The following CDH23 variants were observed in gnomAD, a reference collection of about 807,000 sequenced individuals.
CDH23 encodes the protein cadherin-23.
In CDH23, 189 loss-of-function variants were observed where a neutral mutation model predicts 317.1. The observed-to-expected ratio is 0.60, with a 90% CI of 0.53 to 0.67. The LOEUF is 0.67. Among genes scored for constraint, CDH23 ranks in the 30% least tolerant of loss-of-function variants. The pLI, the probability that CDH23 is intolerant of heterozygous loss-of-function variation, is 0.00. For missense variants in CDH23, 4,401 were observed against 4,592.4 expected (o/e 0.96, Z 1.20); for synonymous variants, 1,839 against 1,876.8 (o/e 0.98, Z 0.52).
At chr10:71,519,312 T>G (rs1854523990) in intron 6 of CDH23, among the ~76,000 whole-genome samples, 1 of 152,240 alleles carries the variant, frequency 6.6e-6, no homozygotes, top group Non-Finnish European at 1.5e-5. Context: ...AGTGTTGGGC[T>G]GTCAGCCTCG....
intron 9 of CDH23, among the ~76,000 whole-genome samples, chr10:71,584,542 C>G (rs147695897): frequency 2.1e-5 from 3 of 145,764 alleles, no homozygotes; most frequent in African/African-American, 2.5e-5. Flanking sequence ...GAAGGGAAGT[C>G]TGTGTGTGTG....
Position 71,615,593 on chromosome 10 carries a change from C to T in CDH23, c.922C>T (p.His308Tyr). The change falls in exon 10 of 70, where the codon CAT becomes TAT. Residue 308 changes from histidine (H) to tyrosine (Y), a missense_variant. Physicochemically the swap from His to Tyr is moderately conservative, Grantham distance 83 (BLOSUM62 2). Around this residue, in one of 3 missense-constraint regions of CDH23, gnomAD observed 3,068 missense variants for 3,203.3 expected, o/e 0.96. Coordinates refer to ENST00000224721, the MANE Select transcript of CDH23 (RefSeq NM_022124.6). ...GGACCGGGAGAACCCCCTGTACAGC[C>T]ATGGCTTCATCCTGACTGTGAAGGT... Reference protein sequence around the residue: ...LLDRENPLYSHGFILTVKGTE... With the variant: ...LLDRENPLYSYGFILTVKGTE... 6.2e-7 allele frequency: 1 copy of T among 1,613,864 alleles called. No individual in the cohort carries two copies. Among genetic ancestry groups the T allele is most frequent in the Non-Finnish European group, 8.5e-7 (1 of 1,179,758 alleles).
intron 9 of CDH23, among the ~76,000 whole-genome samples, chr10:71,582,256 C>T (rs1858691432): frequency 6.6e-6 from 1 of 152,200 alleles, no homozygotes; most frequent in Non-Finnish European, 1.5e-5. Context: ...TGCATTTGCC[C>T]ACAAGCCCAT....
At chr10:71,644,612 C>T (rs1360457689) in intron 12 of CDH23, among the ~76,000 whole-genome samples, 1 of 152,192 alleles carries the variant, frequency 6.6e-6, no homozygotes, top group Non-Finnish European at 1.5e-5. Context: ...AGGGTGACCT[C>T]GCAGCCACCC....
intron 3 of CDH23, among the ~76,000 whole-genome samples, chr10:71,487,033 C>A (rs1852387705): frequency 6.6e-6 from 1 of 152,142 alleles, no homozygotes; most frequent in African/African-American, 2.4e-5. Flanking sequence ...GTACCCCTTC[C>A]CCTGTTGGCC....
chr10:71,605,716 G>A lies in CDH23; in HGVS notation c.833-9788G>A, dbSNP rs765330906. 2.1e-4 allele frequency among the ~76,000 whole-genome samples: 32 copies of A among 152,050 alleles called. 1 individual carries two copies. The highest frequency in any genetic ancestry group is 3.3e-4 in the Admixed American group (5 of 15,284). On this transcript the variant is annotated intron_variant, in intron 9 of 69. Transcript: ENST00000224721. ...AAGTTACAAGCATCTCTTCTGCAACGTTTTAGTGGCTTGCTGCATTTCATA... is the reference window on the plus strand; with the variant it reads ...AAGTTACAAGCATCTCTTCTGCAACATTTTAGTGGCTTGCTGCATTTCATA...
At chr10:71,739,338 C>T (rs574895299) in intron 35 of CDH23, among the ~76,000 whole-genome samples, 3 of 152,248 alleles carry the variant, frequency 2.0e-5, no homozygotes, top group Admixed American at 1.3e-4. Flanking sequence ...ACCCCAGCAG[C>T]GTGAGCACAA....
chr10:71,537,964 G>A (rs1855791980), intron 6 of CDH23, among the ~76,000 whole-genome samples: 1 of 152,322 alleles, frequency 6.6e-6, no homozygotes, highest in African/African-American at 2.4e-5. Context: ...CACTCCCTCA[G>A]TAGGGAGCCC....
chr10:71,530,655 G>A (rs938395715), intron 6 of CDH23, among the ~76,000 whole-genome samples: 54 of 152,170 alleles, frequency 3.5e-4, no homozygotes, highest in African/African-American at 1.2e-3. Context: ...CATCTCACAT[G>A]TCCCCAACCA....
At chr10:71,646,216 G>A (rs937702926) in intron 13 of CDH23, among the ~76,000 whole-genome samples, 8 of 152,060 alleles carry the variant, frequency 5.3e-5, no homozygotes, top group African/African-American at 1.7e-4. Context: ...CTCCCATCAG[G>A]AGCCTCTGCA....
chr10:71,510,808 C>A, intron 4 of CDH23, 146 bp from the exon 5 acceptor site: 1 of 718,498 alleles, frequency 1.4e-6, no homozygotes, highest in Non-Finnish European at 2.5e-6. Flanking sequence ...AAGGGCAATG[C>A]TGGTATTTTA....
chr10:71,572,160 C>T (rs1239252003), intron 8 of CDH23, among the ~76,000 whole-genome samples: 1 of 152,212 alleles, frequency 6.6e-6, no homozygotes, highest in Non-Finnish European at 1.5e-5. Context: ...ATCAATGCCC[C>T]CAATTCCCCA....
At chr10:71,707,410 G>A (rs1315678848) in intron 26 of CDH23, 2 of 1,315,358 alleles carry the variant, frequency 1.5e-6, no homozygotes, top group East Asian at 2.9e-5. Context: ...TGACTTGGAG[G>A]AATGTGGCCT....
chr10:71,757,257 A>G (rs1486691565), intron 38 of CDH23, among the ~76,000 whole-genome samples: 1 of 152,198 alleles, frequency 6.6e-6, no homozygotes, highest in Admixed American at 6.5e-5. Flanking sequence ...CCTGTTCCCT[A>G]TCTGCCTTTG....
chr10:71,593,441 G>A (rs560113255), intron 9 of CDH23, among the ~76,000 whole-genome samples: 160 of 152,256 alleles, frequency 1.1e-3, no homozygotes, highest in Non-Finnish European at 1.3e-3. Flanking sequence ...CGGCACCCCC[G>A]GAGCACATGC....
chr10:71,436,169 T>C (rs1849608801), intron 1 of CDH23, among the ~76,000 whole-genome samples: 1 of 152,246 alleles, frequency 6.6e-6, no homozygotes, highest in African/African-American at 2.4e-5. Context: ...TGCTTCCGAA[T>C]GCTTTGGAGG....
At position 71,751,899 on chromosome 10, in the gene CDH23, C is replaced by T. The variant is rs1438571926; in HGVS notation, c.4845+9978C>T. The T allele has an allele frequency of 1.9e-5, 29 of 1,541,740 alleles. No individual in the cohort carries two copies. The highest frequency in any genetic ancestry group is 2.5e-5 in the Non-Finnish European group (29 of 1,140,552). Reference sequence around the variant, plus strand: ...CAGAATGGAAGGTCATCTGTGCTGTCCGGAGCGTGAACTCTGCCCTCCCTG... The same window carrying T: ...CAGAATGGAAGGTCATCTGTGCTGTTCGGAGCGTGAACTCTGCCCTCCCTG... On this transcript the variant is annotated intron_variant, in intron 38 of 69. Coordinates refer to ENST00000224721, the MANE Select transcript of CDH23 (RefSeq NM_022124.6). The surrounding 1 kb of genome is among the most constrained non-coding windows in gnomAD (Gnocchi z 4.9).
chr10:71,525,606 G>A (rs12243109), intron 6 of CDH23, among the ~76,000 whole-genome samples: 4,072 of 152,250 alleles, frequency 0.027, 180 homozygotes, highest in African/African-American at 0.093. Flanking sequence ...CAGGAACCCA[G>A]AGCTGCCAGC....
chr10:71,762,076 C>T (rs1564781642), intron 38 of CDH23: 2 of 1,528,946 alleles, frequency 1.3e-6, no homozygotes. Context: ...AGTGCTACTC[C>T]TGGCAACCCC....
Sources: allele counts gnomAD v4.1 joint callset (sites outside exome capture counted in the v4.1 genomes callset), GRCh38; gene constraint gnomAD v4.1.1; regional missense constraint gnomAD v4.1.1; non-coding constraint Gnocchi (gnomAD v3.1); transcripts MANE v1.5; gene names NCBI Gene and HGNC (gene_info 2026-07-23, HGNC 2026-07-21).